HLA-DPA1: variants seen among roughly 807,000 people sequenced by gnomAD.
HLA-DPA1 encodes the protein major histocompatibility complex, class II, DP alpha 1, also known as HLA class II histocompatibility antigen, DP alpha 1 chain.
Under a neutral mutation model 21.5 loss-of-function variants are expected in HLA-DPA1, and 20 were observed. The observed-to-expected ratio is 0.93, with a 90% confidence interval of 0.66 to 1.35. HLA-DPA1 has a LOEUF of 1.35. Among genes scored for constraint, HLA-DPA1 ranks in the 40% most tolerant of loss-of-function variants. The probability of loss-of-function intolerance (pLI) is 0.00; values close to 1 mark genes in which losing one functional copy is unlikely to be tolerated. For missense variants in HLA-DPA1, 279 were observed against 323.0 expected (o/e 0.86, Z 1.05); for synonymous variants, 123 against 129.6 (o/e 0.95, Z 0.35).
chr6:33,071,591 C>G (rs776282716), intron 2 of HLA-DPA1, among the ~76,000 whole-genome samples: 1 of 152,080 alleles, frequency 6.6e-6, no homozygotes, highest in Non-Finnish European at 1.5e-5. Context: ...CTGTTAGATG[C>G]TAAATACCCA....
At chr6:33,074,040 G>A (rs1762419101) in intron 1 of HLA-DPA1, among the ~76,000 whole-genome samples, 2 of 152,052 alleles carry the variant, frequency 1.3e-5, no homozygotes, top group African/African-American at 4.8e-5. Context: ...TGATAATTAA[G>A]AATGAATGTG....
intron 2 of HLA-DPA1, 112 bp from the exon 2 acceptor site, chr6:33,069,998 G>T: frequency 2.0e-6 from 2 of 980,614 alleles, no homozygotes; most frequent in Non-Finnish European, 3.0e-6. Context: ...GAAGGTAAGA[G>T]GTCAAAGGAA....
intron 1 of HLA-DPA1, among the ~76,000 whole-genome samples, chr6:33,079,035 C>A (rs1210740410): frequency 6.6e-6 from 1 of 152,188 alleles, no homozygotes; most frequent in Non-Finnish European, 1.5e-5. Flanking sequence ...TGGGATCTTG[C>A]CTTAGCAATG....
chr6:33,068,208 AT>A (rs2150357262), intron 5 of HLA-DPA1: 1 of 119,406 alleles, frequency 8.4e-6, no homozygotes, highest in Non-Finnish European at 1.6e-5. Context: ...TTATTTGGCA[AT>A]GGACTCTGGA....
intron 2 of HLA-DPA1, among the ~76,000 whole-genome samples, chr6:33,071,669 G>A (rs34083733): frequency 0.29 from 43,660 of 151,658 alleles, 8,414 homozygotes; most frequent in East Asian, 0.69. Flanking sequence ...ACAAGTGACA[G>A]GACAACAGCA....
intron 2 of HLA-DPA1, among the ~76,000 whole-genome samples, chr6:33,071,954 G>A (rs1762302518): frequency 6.6e-6 from 1 of 152,172 alleles, no homozygotes; most frequent in Non-Finnish European, 1.5e-5. Flanking sequence ...TTAGGCCATA[G>A]AACTGAGAGT....
rs1285150849 is a variant in HLA-DPA1, at chr6:33,069,660, G to GT, written c.326dup (p.Asn109LysfsTer11). ...GCGTACCGTTGGTGGCCTGAGTGTGGTTGGAACGCTGGATCAAGGTATTCA... is the reference window on the plus strand; with the variant it reads ...GCGTACCGTTGGTGGCCTGAGTGTGGTTTGGAACGCTGGATCAAGGTATTCA... On this transcript the variant is annotated frameshift_variant, in exon 3 of 6. Transcript: ENST00000419277. LOFTEE classifies it high-confidence loss of function. 6.2e-7 allele frequency: 1 copy of GT among 1,612,410 alleles called. No individual in the cohort carries two copies. Among genetic ancestry groups the GT allele is most frequent in the Non-Finnish European group, 8.5e-7 (1 of 1,179,564 alleles).
chr6:33,076,971 C>T lies in HLA-DPA1; in HGVS notation c.-99-3302G>A, dbSNP rs367922402. On this transcript the variant is annotated intron_variant, in intron 1 of 5. Transcript: ENST00000419277. ...TTCTAGGGTACATGTGCACAACGTG[C>T]AGGTTTGTTACATATGTATACATGT... Among the ~76,000 whole-genome samples, 211 of 151,946 alleles carry T rather than the reference C, an allele frequency of 1.4e-3. 2 individuals carry two copies. The East Asian group carries it at 0.026, about 18-fold the overall frequency.
chr6:33,068,707 G>A (rs1762088836), exon 5 of HLA-DPA1: 3 of 1,612,910 alleles, frequency 1.9e-6, no homozygotes, highest in African/African-American at 2.7e-5. Context: ...TTATGATGAG[G>A]ACGGTGCCCA....
chr6:33,073,209 A>C lies in HLA-DPA1; in HGVS notation c.100+262T>G, dbSNP rs150662172. On this transcript the variant is annotated intron_variant, in intron 2 of 5. Transcript: ENST00000419277. ...TTCAGTTTTTTCAAAATAATTTCTA[A>C]ATAAAAGGAATAATTTCTAAATGAA... Among the ~76,000 whole-genome samples, 542 of 152,300 alleles carry C rather than the reference A, an allele frequency of 3.6e-3. 3 individuals carry two copies. The highest frequency in any genetic ancestry group is 0.026 in the East Asian group (133 of 5,192).
intron 5 of HLA-DPA1, chr6:33,066,278 T>C (rs1761948965): frequency 6.6e-6 from 1 of 152,140 alleles, no homozygotes; most frequent in South Asian, 2.1e-4. Flanking sequence ...TGGAACAAGA[T>C]GGAACTCAGA....
intron 4 of HLA-DPA1, 21 bp downstream of exon 3, chr6:33,068,998 G>A (rs1762109457): frequency 6.2e-7 from 1 of 1,609,962 alleles, no homozygotes; most frequent in African/African-American, 1.3e-5. Context: ...GGAGATTATG[G>A]AGAGAAAAGC....
chr6:33,076,571 A>G (rs998458376), intron 1 of HLA-DPA1, among the ~76,000 whole-genome samples: 1 of 152,184 alleles, frequency 6.6e-6, no homozygotes, highest in Non-Finnish European at 1.5e-5. Context: ...GTGCTCACGA[A>G]GAATGCCTCT....
Position 33,071,065 on chromosome 6 carries a change from G to A in HLA-DPA1, c.101-1179C>T, listed in dbSNP as rs542991715. On this transcript the variant is annotated intron_variant, in intron 2 of 5. Transcript: ENST00000419277. Reference sequence around the variant, plus strand: ...TGAGAAGGAACTACGGGACTCTTCTGCTCTCACCTCCCAACTCACAGATTT... The same window carrying A: ...TGAGAAGGAACTACGGGACTCTTCTACTCTCACCTCCCAACTCACAGATTT... Among the ~76,000 whole-genome samples the A allele has an allele frequency of 3.6e-3, 542 of 150,786 alleles. 2 individuals are homozygous for A. Among genetic ancestry groups the A allele is most frequent in the East Asian group, 0.026 (133 of 5,082 alleles).
Position 33,076,924 on chromosome 6 carries a change from T to TTA in HLA-DPA1, c.-99-3257_-99-3256dup, listed in dbSNP as rs757719818. On this transcript the variant is annotated intron_variant, in intron 1 of 5. Transcript: ENST00000419277. ...CAGGATACTCTCAGGATATTTCTTTTTATATATATATATACTTTAAGTTCT... is the reference window on the plus strand; with the variant it reads ...CAGGATACTCTCAGGATATTTCTTTTTATATATATATATATACTTTAAGTTCT... Among the ~76,000 whole-genome samples the TTA allele has an allele frequency of 3.6e-4, 55 of 151,738 alleles. 1 individual carries two copies. In the East Asian group the frequency reaches 5.6e-3, roughly 15 times the overall value.
chr6:33,077,199 T>A (rs1762586515), intron 1 of HLA-DPA1, among the ~76,000 whole-genome samples: 1 of 151,852 alleles, frequency 6.6e-6, no homozygotes, highest in African/African-American at 2.4e-5. Flanking sequence ...AATAGTTTGC[T>A]GTGAATGATG....
exon 6 of HLA-DPA1, chr6:33,064,671 C>G (rs1761867173): frequency 6.6e-6 from 1 of 152,166 alleles, no homozygotes; most frequent in Non-Finnish European, 1.5e-5. Flanking sequence ...GGGAAGGAAG[C>G]TCAGGGGCTG....
At chr6:33,074,206 G>C (rs1762428182) in intron 1 of HLA-DPA1, among the ~76,000 whole-genome samples, 1 of 151,742 alleles carries the variant, frequency 6.6e-6, no homozygotes, top group Non-Finnish European at 1.5e-5. Context: ...ATCTATTCCT[G>C]GTTACCTTTG....
chr6:33,071,085 A>G (rs28414332), intron 2 of HLA-DPA1, among the ~76,000 whole-genome samples: 43,299 of 151,902 alleles, frequency 0.29, 8,084 homozygotes, highest in East Asian at 0.66. Context: ...CCCAACTCAC[A>G]GATTTCCCTG....
Sources: allele counts gnomAD v4.1 joint callset (sites outside exome capture counted in the v4.1 genomes callset), GRCh38; gene constraint gnomAD v4.1.1; transcripts MANE v1.5; gene names NCBI Gene and HGNC (gene_info 2026-07-23, HGNC 2026-07-21).